The following ABHD6 variants were observed in gnomAD, a reference collection of about 807,000 sequenced individuals.
ABHD6 encodes abhydrolase domain containing 6, acylglycerol lipase.
A neutral mutation model predicts 38.8 loss-of-function variants in ABHD6; 33 were observed. The ratio of observed to expected loss-of-function variants is 0.85; its 90% CI spans 0.64 to 1.14. ABHD6 has a LOEUF of 1.14. ABHD6 is among the 50% of genes most tolerant of loss of function. The pLI is 0.00. For missense variants in ABHD6, 380 were observed against 422.6 expected (o/e 0.90, Z 0.88); for synonymous variants, 147 against 161.6 (o/e 0.91, Z 0.69).
intron 3 of ABHD6, among the ~76,000 whole-genome samples, chr3:58,258,105 C>T (rs552277713): frequency 5.9e-5 from 9 of 152,074 alleles, no homozygotes; most frequent in African/African-American, 1.7e-4. Context: ...ATCGGGAGTT[C>T]GAGACCAGCC....
intron 3 of ABHD6, among the ~76,000 whole-genome samples, chr3:58,260,150 TTCAC>T (rs779825127): frequency 6.6e-6 from 1 of 152,230 alleles, no homozygotes; most frequent in African/African-American, 2.4e-5. Context: ...TAGCAAATAA[TTCAC>T]TTTTATTAAC....
At position 58,251,071 on chromosome 3, in the gene ABHD6, G is replaced by A. The variant is rs566475484; in HGVS notation, c.-26+1129G>A. On this transcript the variant is annotated intron_variant, in intron 2 of 9. Transcript: ENST00000478253. The surrounding 1 kb of genome is among the most constrained non-coding windows in gnomAD (Gnocchi z 5.4). ...GCAGAAGCTTGCGCCTGTAATCCCA[G>A]CACTTTGGGAGGCCGAGGCGGGGGG... Among the ~76,000 whole-genome samples the A allele has an allele frequency of 8.7e-4, 132 of 152,110 alleles. No individual in the cohort carries two copies. The highest frequency in any genetic ancestry group is 1.7e-3 in the Non-Finnish European group (116 of 68,024).
Position 58,279,882 on chromosome 3 carries a change from G to A in ABHD6, c.681+5067G>A, listed in dbSNP as rs534598996. ...TTGGCTGGATATGAAATTCTGGGTT[G>A]AAAATTCTTTTCTTTAAGAATGTTG... On this transcript the variant is annotated intron_variant, in intron 7 of 9. Coordinates refer to ENST00000478253, the MANE Select transcript of ABHD6 (RefSeq NM_001320126.2). Among the ~76,000 whole-genome samples the A allele has an allele frequency of 4.5e-4, 68 of 152,284 alleles. 1 individual carries two copies. The South Asian group carries it at 8.5e-3, about 19-fold the overall frequency.
At chr3:58,274,477 G>T (rs555127617) in intron 6 of ABHD6, among the ~76,000 whole-genome samples, 181 bp from the exon 7 acceptor site, 1 of 152,236 alleles carries the variant, frequency 6.6e-6, no homozygotes, top group African/African-American at 2.4e-5. Flanking sequence ...GGATTTTTTT[G>T]TGTGTTTCTC....
intron 7 of ABHD6, among the ~76,000 whole-genome samples, chr3:58,282,912 C>T (rs1188239248): frequency 6.6e-6 from 1 of 152,194 alleles, no homozygotes; most frequent in Non-Finnish European, 1.5e-5. Context: ...AGCTGTACCA[C>T]TGGAGCCATC....
chr3:58,290,953 C>T lies in ABHD6; in HGVS notation c.838-2636C>T, dbSNP rs367760741. 4.5e-4 allele frequency among the ~76,000 whole-genome samples: 69 copies of T among 152,044 alleles called. 3 individuals carry two copies. The South Asian group carries it at 8.9e-3, about 20-fold the overall frequency. ...CAGACGATGGGCGGCCAGGCAGAGA[C>T]GCTCCTCGCTTCCTAGATGGGGTGG... On this transcript the variant is annotated intron_variant, in intron 9 of 9. Coordinates refer to ENST00000478253, the MANE Select transcript of ABHD6 (RefSeq NM_001320126.2).
intron 7 of ABHD6, among the ~76,000 whole-genome samples, chr3:58,277,284 A>G (rs1367579465): frequency 6.6e-6 from 1 of 151,964 alleles, no homozygotes; most frequent in Non-Finnish European, 1.5e-5. Flanking sequence ...GTCCTCTTTT[A>G]TTTCGTTGAG....
chr3:58,291,213 C>CA (rs958106318), intron 9 of ABHD6, among the ~76,000 whole-genome samples: 3 of 151,104 alleles, frequency 2.0e-5, no homozygotes, highest in Non-Finnish European at 3.0e-5. Flanking sequence ...CCGTCTCCAC[C>CA]AAAAAAATAC....
chr3:58,281,676 T>C (rs2363687), intron 7 of ABHD6, among the ~76,000 whole-genome samples: 119,219 of 152,282 alleles, frequency 0.78, 47,415 homozygotes, highest in East Asian at 1. Flanking sequence ...CCTTCTGCGT[T>C]GATCACGCTG....
intron 7 of ABHD6, among the ~76,000 whole-genome samples, chr3:58,283,272 G>A (rs981613199): frequency 6.6e-6 from 1 of 152,200 alleles, no homozygotes; most frequent in African/African-American, 2.4e-5. Flanking sequence ...GTGGCCAAAT[G>A]ATGTTTTAGA....
chr3:58,291,252 C>T (rs1220767723), intron 9 of ABHD6, among the ~76,000 whole-genome samples: 1 of 151,246 alleles, frequency 6.6e-6, no homozygotes, highest in Non-Finnish European at 1.5e-5. Context: ...GCAGTGTGCA[C>T]CTGCAATCGC....
At chr3:58,280,718 T>C (rs2097452470) in intron 7 of ABHD6, among the ~76,000 whole-genome samples, 1 of 152,216 alleles carries the variant, frequency 6.6e-6, no homozygotes, top group Admixed American at 6.5e-5. Flanking sequence ...TTTCTCCCCA[T>C]CTTTGTGGTT....
In ABHD6 at chr3:58,265,488, C is replaced by T. The variant is rs1331868671; in HGVS notation, c.120-1701C>T. ...AGGACAAAATCATCTTTACATAATACTAATAACTATCATGTACTGAATACT... is the reference window on the plus strand; with the variant it reads ...AGGACAAAATCATCTTTACATAATATTAATAACTATCATGTACTGAATACT... On this transcript the variant is annotated intron_variant, in intron 3 of 9. Transcript: ENST00000478253. The surrounding 1 kb of genome is among the most constrained non-coding windows in gnomAD (Gnocchi z 4.2). Among the ~76,000 whole-genome samples, 1 of 152,130 alleles carries T rather than the reference C, an allele frequency of 6.6e-6. No individual in the cohort carries two copies. The highest frequency in any genetic ancestry group is 1.5e-5 in the Non-Finnish European group (1 of 68,026).
intron 9 of ABHD6, among the ~76,000 whole-genome samples, chr3:58,289,618 G>C (rs1424086711): frequency 6.6e-6 from 1 of 152,136 alleles, no homozygotes; most frequent in African/African-American, 2.4e-5. Flanking sequence ...AAAATGAAAA[G>C]TCTCCCATGT....
intron 5 of ABHD6, 65 bp from the exon 6 acceptor site, chr3:58,270,867 C>A (rs2097444328): frequency 6.6e-7 from 1 of 1,515,308 alleles, no homozygotes; most frequent in South Asian, 1.3e-5. Flanking sequence ...GGCTTCTATG[C>A]TGTAGTCACC....
At chr3:58,288,432 C>T (rs904808448) in intron 9 of ABHD6, among the ~76,000 whole-genome samples, 1 of 152,176 alleles carries the variant, frequency 6.6e-6, no homozygotes, top group Admixed American at 6.5e-5. Context: ...TTTCAAGCAT[C>T]GCTCCTCTAT....
At chr3:58,290,002 C>A (rs1222727978) in intron 9 of ABHD6, among the ~76,000 whole-genome samples, 5 of 141,516 alleles carry the variant, frequency 3.5e-5, no homozygotes, top group Admixed American at 1.4e-4. Flanking sequence ...CTGACCCCCC[C>A]ACCTCCCTCC....
At position 58,287,442 on chromosome 3, in the gene ABHD6, G is replaced by T. The variant is rs1298563472; in HGVS notation, c.837+1989G>T. On this transcript the variant is annotated intron_variant, in intron 9 of 9. Transcript: ENST00000478253. The surrounding 1 kb of genome is among the most constrained non-coding windows in gnomAD (Gnocchi z 4.7). ...GAGTGGGGAGGAGCAGCCAGGCTGTGCCCATGGCGTGTACGCAGAATAAGA... is the reference window on the plus strand; with the variant it reads ...GAGTGGGGAGGAGCAGCCAGGCTGTTCCCATGGCGTGTACGCAGAATAAGA... Among the ~76,000 whole-genome samples the T allele has an allele frequency of 6.6e-6, 1 of 151,982 alleles. No individual in the cohort carries two copies. The highest frequency in any genetic ancestry group is 1.5e-5 in the Non-Finnish European group (1 of 67,986).
chr3:58,239,856 G>C (rs985695715), intron 1 of ABHD6, among the ~76,000 whole-genome samples: 1 of 151,902 alleles, frequency 6.6e-6, no homozygotes, highest in African/African-American at 2.4e-5. Context: ...AGGCAAGCAT[G>C]AATGTTTTGT....
Sources: allele counts gnomAD v4.1 joint callset (sites outside exome capture counted in the v4.1 genomes callset), GRCh38; gene constraint gnomAD v4.1.1; non-coding constraint Gnocchi (gnomAD v3.1); transcripts MANE v1.5; gene names NCBI Gene and HGNC (gene_info 2026-07-23, HGNC 2026-07-21).